Variants in NRG4 observed in about 807,000 individuals in gnomAD.
The protein encoded by NRG4 is neuregulin 4, also known as pro-neuregulin-4, membrane-bound isoform.
A neutral mutation model predicts 15.0 loss-of-function variants in NRG4; 10 were observed. The ratio of observed to expected loss-of-function variants is 0.67; its 90% CI spans 0.41 to 1.13. The LOEUF (loss-of-function observed/expected upper bound fraction) is 1.13. Ranked by LOEUF, NRG4 falls within the 50% of genes most tolerant of loss-of-function variation. The pLI, the probability that NRG4 is intolerant of heterozygous loss-of-function variation, is 0.00. For synonymous variants in NRG4, 41 were observed against 50.1 expected (o/e 0.82, Z 0.77); for missense variants, 139 against 140.2 (o/e 0.99, Z 0.04).
chr15:76,001,095 C>T (rs1304128058), intron 3 of NRG4, among the ~76,000 whole-genome samples: 2 of 152,096 alleles, frequency 1.3e-5, no homozygotes, highest in Admixed American at 1.3e-4. Context: ...AAGCAATCCT[C>T]CCACTTTAGC....
chr15:76,005,802 C>T (rs752565698), intron 3 of NRG4: 20 of 429,120 alleles, frequency 4.7e-5, no homozygotes, highest in Middle Eastern at 6.8e-4. Context: ...TTTTCATTTT[C>T]GTGTAGACTG....
chr15:75,959,635 C>A (rs550297665), intron 4 of NRG4, among the ~76,000 whole-genome samples: 1 of 152,134 alleles, frequency 6.6e-6, no homozygotes, highest in African/African-American at 2.4e-5. Flanking sequence ...GTTGGGAATA[C>A]AGATGTGTAC....
At chr15:76,015,886 T>C (rs947244458), upstream of NRG4, among the ~76,000 whole-genome samples, 3 of 152,182 alleles carry the variant, frequency 2.0e-5, no homozygotes, top group African/African-American at 7.2e-5. Flanking sequence ...GGAGTCCCTC[T>C]TTTTCTATTG....
intron 3 of NRG4, among the ~76,000 whole-genome samples, chr15:75,994,498 T>C (rs1218657975): frequency 6.6e-6 from 1 of 152,240 alleles, no homozygotes; most frequent in African/African-American, 2.4e-5. Context: ...CAACTACTTT[T>C]GTTTCTTCCT....
chr15:76,041,067 T>C (rs1305968013), intron 4 of NRG4, among the ~76,000 whole-genome samples: 6 of 152,240 alleles, frequency 3.9e-5, no homozygotes, highest in Non-Finnish European at 8.8e-5. Context: ...AGTTTGTCTA[T>C]GCAATCAGTG....
intron 3 of NRG4, among the ~76,000 whole-genome samples, chr15:75,962,318 T>C (rs1340381213): frequency 1.3e-5 from 2 of 152,370 alleles, no homozygotes; most frequent in African/African-American, 4.8e-5. Context: ...GTATCTGGTA[T>C]AGATAATGAT....
At position 76,048,522 on chromosome 15, in the gene NRG4, T is replaced by C. The variant is rs1040740065; in HGVS notation, c.-105+3545A>G. Among the ~76,000 whole-genome samples, 2 of 149,900 alleles carry C rather than the reference T, an allele frequency of 1.3e-5. 1 individual carries two copies. The highest frequency in any genetic ancestry group is 5.0e-5 in the African/African-American group (2 of 39,944). Reference sequence around the variant, plus strand: ...CTGGTGAATGTGATTTATAAACTCTTAAGCTACTGCCACATGGCAATACCA... The same window carrying C: ...CTGGTGAATGTGATTTATAAACTCTCAAGCTACTGCCACATGGCAATACCA... On this transcript the variant is annotated intron_variant, in intron 4 of 8. Coordinates refer to the NRG4 transcript ENST00000563910.
chr15:75,959,150 T>A, intron 4 of NRG4: 3 of 372,914 alleles, frequency 8.0e-6, no homozygotes, highest in Admixed American at 3.0e-5. Flanking sequence ...CCTGGATAAT[T>A]AAAAAAAAAA....
intron 4 of NRG4, among the ~76,000 whole-genome samples, chr15:76,041,667 G>A (rs1388506749): frequency 2.0e-5 from 3 of 152,010 alleles, no homozygotes; most frequent in African/African-American, 7.3e-5. Context: ...CAACACTAGA[G>A]CACCCAGATA....
At chr15:76,009,126 T>A in intron 3 of NRG4, 74 bp downstream of exon 3, 1 of 795,692 alleles carries the variant, frequency 1.3e-6, no homozygotes, top group Non-Finnish European at 2.3e-6. Context: ...TTGTTTACTT[T>A]TTATCACTTC....
At chr15:76,048,471 C>CAAA (rs35429006) in intron 4 of NRG4, among the ~76,000 whole-genome samples, 5 of 74,002 alleles carry the variant, frequency 6.8e-5, no homozygotes, top group Admixed American at 1.5e-4. Flanking sequence ...GACTCTGACT[C>CAAA]AAAAAAAAAA....
intron 4 of NRG4, among the ~76,000 whole-genome samples, chr15:76,038,051 GC>G (rs1388260274): frequency 6.6e-6 from 1 of 152,122 alleles, no homozygotes; most frequent in East Asian, 1.9e-4. Flanking sequence ...CCTATTCCTG[GC>G]AGGATGCATC....
At chr15:76,044,014 G>A (rs1030062857) in intron 4 of NRG4, among the ~76,000 whole-genome samples, 3 of 151,360 alleles carry the variant, frequency 2.0e-5, no homozygotes, top group African/African-American at 4.9e-5. Flanking sequence ...TTTTTGAGAT[G>A]GAGTCTCGCT....
Position 76,008,140 on chromosome 15 carries a change from A to C in NRG4, c.104+1060T>G, listed in dbSNP as rs1298398691. On this transcript the variant is annotated intron_variant, in intron 3 of 5. Transcript: ENST00000394907. The stretch of plus-strand genomic sequence containing the variant: ...GAATGCAGTTTATCATACATAAATT[A>C]TATCTCAGTAAATAGATTAAAAAAG... Among the ~76,000 whole-genome samples, 4 of 152,230 alleles carry C rather than the reference A, an allele frequency of 2.6e-5. No homozygotes were observed. The East Asian group carries it at 7.7e-4, about 29-fold the overall frequency.
intron 5 of NRG4, among the ~76,000 whole-genome samples, chr15:75,944,802 T>C (rs376586059): frequency 3.3e-5 from 5 of 152,182 alleles, no homozygotes; most frequent in African/African-American, 1.2e-4. Flanking sequence ...GTTATGGTGT[T>C]GCAGTTATTG....
intron 3 of NRG4, among the ~76,000 whole-genome samples, chr15:75,987,511 A>G (rs987430916): frequency 2.0e-5 from 3 of 152,110 alleles, no homozygotes; most frequent in African/African-American, 7.2e-5. Context: ...GAGGGTCAAG[A>G]TGAGATCAGT....
upstream of NRG4, among the ~76,000 whole-genome samples, chr15:76,014,960 T>C (rs2034931199): frequency 1.3e-5 from 2 of 152,242 alleles, no homozygotes; most frequent in Non-Finnish European, 2.9e-5. Flanking sequence ...AAGATATTGA[T>C]TCTTCCTATC....
intron 3 of NRG4, among the ~76,000 whole-genome samples, chr15:75,994,125 T>A (rs1407315475): frequency 1.3e-5 from 2 of 152,224 alleles, no homozygotes; most frequent in African/African-American, 4.8e-5. Context: ...CATTCCTTTT[T>A]AAAGTACAAA....
At position 76,011,271 on chromosome 15, in the gene NRG4, G is replaced by A. The variant is rs1426214805; in HGVS notation, c.-41C>T. The A allele has an allele frequency of 2.8e-6, 4 of 1,415,486 alleles. No homozygotes were observed. The highest frequency in any genetic ancestry group is 5.3e-5 in the East Asian group (2 of 37,862). The allele number at this position is 1,415,486 out of a possible 1,614,324, so 87.7% of individuals were successfully genotyped here. ...GTTTCATTCTTGGTCAAGAGAGTAGGGTTGAAAAACAGTACCTAAAACGGT... is the reference window on the plus strand; with the variant it reads ...GTTTCATTCTTGGTCAAGAGAGTAGAGTTGAAAAACAGTACCTAAAACGGT... On this transcript the variant is annotated 5_prime_UTR_variant, in exon 2 of 6. Transcript: ENST00000394907.
Sources: gnomAD v4.1 joint callset for allele counts (sites outside exome capture counted in the v4.1 genomes callset) on GRCh38, gnomAD v4.1.1 for gene constraint, MANE v1.5 for transcripts, NCBI Gene and HGNC (gene_info 2026-07-23, HGNC 2026-07-21) for gene names.